Variants in PTPRD observed in about 807,000 individuals in gnomAD.
PTPRD encodes protein tyrosine phosphatase receptor type D.
A neutral mutation model predicts 214.5 loss-of-function variants in PTPRD; 34 were observed. The ratio of observed to expected loss-of-function variants is 0.16; its 90% CI spans 0.12 to 0.21. The LOEUF (loss-of-function observed/expected upper bound fraction) is 0.21. Among genes scored for constraint, PTPRD ranks in the 10% least tolerant of loss-of-function variants. PTPRD has a pLI of 1.00. For synonymous variants in PTPRD, 1,128 were observed against 845.7 expected (o/e 1.33, Z -5.79); for missense variants, 2,545 against 2,398.7 (o/e 1.06, Z -1.27).
chr9:9,696,481 T>A (rs963221844), intron 7 of PTPRD, among the ~76,000 whole-genome samples: 6 of 152,140 alleles, frequency 3.9e-5, no homozygotes, highest in Non-Finnish European at 7.4e-5. Flanking sequence ...AATTGGGTGC[T>A]CCTGTTTTGT....
chr9:9,644,080 A>G (rs2096064201), intron 7 of PTPRD, among the ~76,000 whole-genome samples: 1 of 152,188 alleles, frequency 6.6e-6, no homozygotes, highest in Non-Finnish European at 1.5e-5. Context: ...TTTCTGTACA[A>G]CTATAAGTAT....
intron 14 of PTPRD, among the ~76,000 whole-genome samples, chr9:8,533,368 T>C (rs1049073803): frequency 5.9e-5 from 9 of 152,058 alleles, no homozygotes; most frequent in African/African-American, 2.2e-4. Flanking sequence ...TGCCATGGTA[T>C]TGGGAAAAAT....
chr9:10,504,627 A>G (rs2045268087), intron 2 of PTPRD, among the ~76,000 whole-genome samples: 1 of 152,154 alleles, frequency 6.6e-6, no homozygotes, highest in African/African-American at 2.4e-5. Flanking sequence ...GAATTCGTCA[A>G]TTGCACAACC....
intron 14 of PTPRD, among the ~76,000 whole-genome samples, chr9:8,534,355 G>C (rs997260063): frequency 2.6e-5 from 4 of 151,802 alleles, no homozygotes; most frequent in East Asian, 1.9e-4. Context: ...TCTTGGTGTT[G>C]AAACTAATGG....
intron 14 of PTPRD, among the ~76,000 whole-genome samples, chr9:8,539,629 G>A (rs1329162292): frequency 6.6e-6 from 1 of 151,938 alleles, no homozygotes; most frequent in African/African-American, 2.4e-5. Context: ...AAATTCTTGT[G>A]CTGAGAAAAA....
At chr9:8,481,210 T>G (rs2096878343) in intron 30 of PTPRD, among the ~76,000 whole-genome samples, 1 of 151,728 alleles carries the variant, frequency 6.6e-6, no homozygotes, top group Non-Finnish European at 1.5e-5. Flanking sequence ...ACTGAATTTA[T>G]TTTGGGAATA....
intron 4 of PTPRD, among the ~76,000 whole-genome samples, chr9:10,029,360 T>C (rs992770692): frequency 4.6e-5 from 7 of 152,136 alleles, no homozygotes; most frequent in African/African-American, 1.4e-4. Context: ...GACCCCAGAA[T>C]GGTAGATCCA....
chr9:9,161,280 ACAT>A (rs2099888111), intron 10 of PTPRD, among the ~76,000 whole-genome samples: 1 of 152,174 alleles, frequency 6.6e-6, no homozygotes, highest in African/African-American at 2.4e-5. Flanking sequence ...GTATATCAAA[ACAT>A]CATATAGTGA....
chr9:9,786,379 G>A (rs2098924098), intron 5 of PTPRD, among the ~76,000 whole-genome samples: 1 of 152,194 alleles, frequency 6.6e-6, no homozygotes, highest in Admixed American at 6.5e-5. Flanking sequence ...CATCGAGAGA[G>A]TATCAAGAAC....
intron 3 of PTPRD, among the ~76,000 whole-genome samples, chr9:10,290,406 C>T (rs564863157): frequency 3.9e-5 from 6 of 152,138 alleles, no homozygotes; most frequent in South Asian, 2.1e-4. Context: ...AATCAGGTTC[C>T]GACTGAAGAA....
At chr9:9,258,877 G>A (rs895934868) in intron 9 of PTPRD, among the ~76,000 whole-genome samples, 19 of 151,940 alleles carry the variant, frequency 1.3e-4, no homozygotes, top group Admixed American at 5.9e-4. Flanking sequence ...CTTTGGAAAA[G>A]GGATTTAAAC....
At chr9:8,593,170 T>C (rs2094239925) in intron 14 of PTPRD, among the ~76,000 whole-genome samples, 1 of 152,152 alleles carries the variant, frequency 6.6e-6, no homozygotes, top group South Asian at 2.1e-4. Flanking sequence ...AGAAACAAAA[T>C]TTTCAACTGA....
At chr9:10,258,679 T>C (rs2093466659) in intron 3 of PTPRD, among the ~76,000 whole-genome samples, 2 of 152,212 alleles carry the variant, frequency 1.3e-5, no homozygotes. Context: ...AATACCAAAT[T>C]TGTATGGAGT....
chr9:10,276,014 T>C (rs1595918413), intron 3 of PTPRD, among the ~76,000 whole-genome samples: 1 of 152,222 alleles, frequency 6.6e-6, no homozygotes, highest in Non-Finnish European at 1.5e-5. Context: ...TTCAGGTATC[T>C]TGTCCCTTTC....
intron 3 of PTPRD, among the ~76,000 whole-genome samples, chr9:10,229,847 TATA>T (rs1479435517): frequency 3.3e-5 from 5 of 151,470 alleles, no homozygotes; most frequent in Non-Finnish European, 7.4e-5. Flanking sequence ...AAACTTAAAG[TATA>T]ATAATAAAAA....
chr9:9,504,834 C>A lies in PTPRD; in HGVS notation c.-237+69898G>T, dbSNP rs577160376. Among the ~76,000 whole-genome samples the A allele has an allele frequency of 2.8e-4, 42 of 151,724 alleles. No individual in the cohort carries two copies. In the South Asian group the frequency reaches 8.1e-3, roughly 29 times the overall value. On this transcript the variant is annotated intron_variant, in intron 8 of 45. Transcript: ENST00000381196. ...AGATTGAAAATCAATATGCAAAAAT[C>A]AGTTATATTTCTTTACAAACTGTTC...
chr9:9,684,508 CTACCTAAG>C (rs2097133955), intron 7 of PTPRD, among the ~76,000 whole-genome samples: 1 of 151,632 alleles, frequency 6.6e-6, no homozygotes, highest in African/African-American at 2.4e-5. Context: ...AAGAAAGACT[CTACCTAAG>C]ATAGTTGCTT....
At chr9:8,454,149 T>A (rs1015655357) in intron 33 of PTPRD, among the ~76,000 whole-genome samples, 2 of 152,186 alleles carry the variant, frequency 1.3e-5, no homozygotes, top group Non-Finnish European at 2.9e-5. Context: ...CTGTCATCAA[T>A]ATTTGCAGGA....
chr9:10,408,322 T>C lies in PTPRD; in HGVS notation c.-599-67305A>G, dbSNP rs1032111522. Among the ~76,000 whole-genome samples the C allele has an allele frequency of 3.3e-5, 5 of 151,770 alleles. No individual in the cohort carries two copies. The East Asian group carries it at 5.9e-4, about 18-fold the overall frequency. On this transcript the variant is annotated intron_variant, in intron 2 of 45. Coordinates refer to ENST00000381196, the MANE Select transcript of PTPRD (RefSeq NM_002839.4). ...CTATTATTTCCTTAGAATAATACTA[T>C]GTGAAATTTGGAGTTAGCCTGCTAT...
Sources: allele counts gnomAD v4.1 joint callset (sites outside exome capture counted in the v4.1 genomes callset), GRCh38; gene constraint gnomAD v4.1.1; transcripts MANE v1.5; gene names NCBI Gene and HGNC (gene_info 2026-07-23, HGNC 2026-07-21).